Variants in TEKT5 observed in about 807,000 individuals in gnomAD.
TEKT5 encodes tektin-5.
In TEKT5, 52 loss-of-function variants were observed where a neutral mutation model predicts 48.7. The observed-to-expected ratio is 1.07, with a 90% CI of 0.86 to 1.35. The LOEUF is 1.35. Ranked by LOEUF, TEKT5 falls within the 40% of genes most tolerant of loss-of-function variation. The probability of loss-of-function intolerance (pLI) is 0.00; values close to 1 mark genes in which losing one functional copy is unlikely to be tolerated. For synonymous variants in TEKT5, 318 were observed against 267.6 expected, an observed-to-expected ratio of 1.19 and a Z score of -1.84; for missense variants, 831 against 641.6, an observed-to-expected ratio of 1.30 and a Z score of -3.19.
chr16:10,657,762 T>A (rs1336302622), intron 5 of TEKT5, among the ~76,000 whole-genome samples: 2 of 151,500 alleles, frequency 1.3e-5, no homozygotes, highest in African/African-American at 4.9e-5. Context: ...GCTAATTTTT[T>A]TTTTTTTTTT....
chr16:10,628,182 CTG>C (rs1032246260), intron 6 of TEKT5, among the ~76,000 whole-genome samples: 11 of 152,182 alleles, frequency 7.2e-5, no homozygotes, highest in African/African-American at 2.7e-4. Flanking sequence ...GATGCACTCA[CTG>C]TGCACTGGGA....
intron 5 of TEKT5, among the ~76,000 whole-genome samples, chr16:10,661,769 C>G (rs965430176): frequency 6.6e-6 from 1 of 152,140 alleles, no homozygotes; most frequent in Non-Finnish European, 1.5e-5. Context: ...GGTTGGGGAG[C>G]CACCAGCCAC....
intron 4 of TEKT5, among the ~76,000 whole-genome samples, chr16:10,680,710 G>T (rs1164332754): frequency 6.6e-6 from 1 of 151,136 alleles, no homozygotes; most frequent in Non-Finnish European, 1.5e-5. Flanking sequence ...TCCTTTGTAG[G>T]GACATGGATG....
At chr16:10,629,440 A>G (rs1016756295) in intron 6 of TEKT5, among the ~76,000 whole-genome samples, 1 of 152,082 alleles carries the variant, frequency 6.6e-6, no homozygotes, top group Admixed American at 6.6e-5. Context: ...TAGTAGAGAC[A>G]GTGTTTCACC....
intron 4 of TEKT5, among the ~76,000 whole-genome samples, chr16:10,678,875 G>A (rs1195135301): frequency 6.6e-6 from 1 of 152,236 alleles, no homozygotes; most frequent in Non-Finnish European, 1.5e-5. Flanking sequence ...TCAGCAGGCA[G>A]TGTGTCTCAG....
intron 5 of TEKT5, among the ~76,000 whole-genome samples, chr16:10,668,324 C>T (rs892511989): frequency 2.0e-5 from 3 of 152,160 alleles, no homozygotes; most frequent in East Asian, 1.9e-4. Context: ...AGTCTTCCTC[C>T]GTGACACCAT....
At chr16:10,661,510 C>A (rs760276589) in intron 5 of TEKT5, among the ~76,000 whole-genome samples, 49 of 152,188 alleles carry the variant, frequency 3.2e-4, no homozygotes, top group Non-Finnish European at 5.3e-4. Flanking sequence ...TTTGTAGTTT[C>A]ATGCAGATCT....
intron 5 of TEKT5, among the ~76,000 whole-genome samples, chr16:10,640,688 T>C (rs990745594): frequency 2.0e-5 from 3 of 151,990 alleles, no homozygotes; most frequent in East Asian, 3.8e-4. Context: ...GTGCATTAGT[T>C]TGCCTTTCTA....
intron 4 of TEKT5, among the ~76,000 whole-genome samples, chr16:10,677,276 T>A (rs1001437479): frequency 6.7e-6 from 1 of 148,492 alleles, no homozygotes; most frequent in Non-Finnish European, 1.5e-5. Flanking sequence ...CGGGAATAGA[T>A]GGAATACTCG....
At chr16:10,668,113 A>C (rs2082359463) in intron 5 of TEKT5, among the ~76,000 whole-genome samples, 1 of 152,204 alleles carries the variant, frequency 6.6e-6, no homozygotes, top group African/African-American at 2.4e-5. Context: ...TCTTGACCTC[A>C]GGTGATCTGC....
intron 5 of TEKT5, among the ~76,000 whole-genome samples, chr16:10,663,163 C>T (rs138084700): frequency 1.9e-3 from 287 of 152,294 alleles, no homozygotes; most frequent in African/African-American, 6.6e-3. Flanking sequence ...ATAAAACCAA[C>T]CTCGGCTCAG....
intron 5 of TEKT5, among the ~76,000 whole-genome samples, chr16:10,644,055 A>C (rs1898033861): frequency 1.3e-5 from 2 of 152,112 alleles, no homozygotes; most frequent in African/African-American, 4.8e-5. Context: ...AAAATAAATA[A>C]AATAACATAA....
At chr16:10,641,324 C>T (rs1293821629) in intron 5 of TEKT5, among the ~76,000 whole-genome samples, 1 of 152,064 alleles carries the variant, frequency 6.6e-6, no homozygotes, top group East Asian at 1.9e-4. Flanking sequence ...ATGATATTAA[C>T]CGAAAGAGGC....
At chr16:10,654,274 C>T (rs909820798) in intron 5 of TEKT5, among the ~76,000 whole-genome samples, 10 of 152,284 alleles carry the variant, frequency 6.6e-5, no homozygotes, top group Middle Eastern at 3.4e-3. Context: ...TGATCTCAAA[C>T]TCCTGGGCTC....
chr16:10,687,536 T>C (rs1200718977), intron 3 of TEKT5, among the ~76,000 whole-genome samples: 1 of 152,264 alleles, frequency 6.6e-6, no homozygotes, highest in Non-Finnish European at 1.5e-5. Context: ...GCAGATCACC[T>C]GAGGTCAGGA....
At chr16:10,631,571 T>G (rs1158373890) in intron 6 of TEKT5, among the ~76,000 whole-genome samples, 1 of 151,978 alleles carries the variant, frequency 6.6e-6, no homozygotes, top group Non-Finnish European at 1.5e-5. Flanking sequence ...TATTAGGAAA[T>G]AGGGTCTTTG....
At chr16:10,644,099 C>G (rs561331708) in intron 5 of TEKT5, among the ~76,000 whole-genome samples, 1 of 152,268 alleles carries the variant, frequency 6.6e-6, no homozygotes, top group African/African-American at 2.4e-5. Context: ...TTTCAAGCAG[C>G]TACTAGACAC....
intron 5 of TEKT5, among the ~76,000 whole-genome samples, chr16:10,640,447 T>A (rs1596402004): frequency 6.6e-6 from 1 of 152,200 alleles, no homozygotes; most frequent in Non-Finnish European, 1.5e-5. Context: ...TAGATTTTTT[T>A]AAGCTTTACA....
chr16:10,653,396 G>C (rs973693097), intron 5 of TEKT5, among the ~76,000 whole-genome samples: 3 of 152,212 alleles, frequency 2.0e-5, no homozygotes, highest in East Asian at 1.9e-4. Context: ...GGAGTCCTAA[G>C]CCTCCCATGT....
Sources: allele counts gnomAD v4.1 joint callset (sites outside exome capture counted in the v4.1 genomes callset), GRCh38; gene constraint gnomAD v4.1.1; transcripts MANE v1.5; gene names NCBI Gene and HGNC (gene_info 2026-07-23, HGNC 2026-07-21).